FAXDC2: variants seen among roughly 807,000 people sequenced by gnomAD.
The protein encoded by FAXDC2 is fatty acid hydroxylase domain-containing protein 2.
A neutral mutation model predicts 40.9 loss-of-function variants in FAXDC2; 41 were observed. That is an observed-to-expected ratio of 1.00 (90% CI 0.78 to 1.30). The LOEUF is 1.30. Ranked by LOEUF, FAXDC2 falls within the 50% of genes most tolerant of loss-of-function variation. The pLI, the probability that FAXDC2 is intolerant of heterozygous loss-of-function variation, is 0.00. For missense variants in FAXDC2, 390 were observed against 408.8 expected, an observed-to-expected ratio of 0.95 and a Z score of 0.40; for synonymous variants, 157 against 149.3, an observed-to-expected ratio of 1.05 and a Z score of -0.38.
At position 154,821,285 on chromosome 5, in the gene FAXDC2, C is replaced by A; in HGVS notation, c.820G>T (p.Glu274Ter). 1 of 1,611,822 alleles carries A rather than the reference C, an allele frequency of 6.2e-7. No homozygotes were observed. Among genetic ancestry groups the A allele is most frequent in the South Asian group, 1.1e-5 (1 of 90,898 alleles). ...TTGAGATGGTGGTAGTCGTGGAATT[C>A]AGGCGAAGGCAGGAAGGGAAGGTGG... is the stretch of plus-strand genomic sequence containing the variant. Reference protein sequence around the residue: ...GYHLPFLPSPEFHDYHHLKFN... With the variant: ...GYHLPFLPSP The change falls in exon 8 of 9, where the codon GAA (glutamate) becomes TAA (stop). Residue 274 changes from glutamate to a stop codon, truncating the protein, a stop_gained. Transcript: ENST00000326080. LOFTEE classifies it high-confidence loss of function.
In FAXDC2 at chr5:154,820,250, G is replaced by A. The variant is rs369665548; in HGVS notation, c.*66C>T. 1 of 1,354,856 alleles carries A rather than the reference G, an allele frequency of 7.4e-7. No homozygotes were observed. Among genetic ancestry groups the A allele is most frequent in the Admixed American group, 2.2e-5 (1 of 46,054 alleles). The allele number at this position is 1,354,856 out of a possible 1,614,324, so 83.9% of individuals were successfully genotyped here. A position where few individuals can be genotyped will look rare whatever the true frequency, so the allele number is the denominator to read the frequency against. ...GGCCGAAGGAGGCAAATTGTTAGGT[G>A]CAATCAGGAAGCCGTGTCTGCATCC... On this transcript the variant is annotated 3_prime_UTR_variant, in exon 9 of 9. Coordinates refer to ENST00000326080, the MANE Select transcript of FAXDC2 (RefSeq NM_032385.5).
chr5:154,847,487 C>CTTTTTTTTTTT (rs557543082), intron 1 of FAXDC2, among the ~76,000 whole-genome samples: 1 of 132,316 alleles, frequency 7.6e-6, no homozygotes, highest in Non-Finnish European at 1.6e-5. Context: ...TTCTTTCTTT[C>CTTTTTTTTTTT]TTTTTTTTTT....
intron 2 of FAXDC2, among the ~76,000 whole-genome samples, chr5:154,835,883 C>CTTTTTTTTTTTTTTT (rs869068025): frequency 2.1e-5 from 1 of 47,842 alleles, no homozygotes; most frequent in Non-Finnish European, 4.0e-5. Context: ...GCCCGGCCGA[C>CTTTTTTTTTTTTTTT]TTTTTTTTTT....
chr5:154,821,140 G>T, intron 8 of FAXDC2, 120 bp downstream of exon 8: 1 of 862,116 alleles, frequency 1.2e-6, no homozygotes, highest in South Asian at 1.5e-5. Context: ...CCAGCCATCA[G>T]ACCTCTTCCC....
intron 1 of FAXDC2, among the ~76,000 whole-genome samples, chr5:154,847,637 A>G (rs1582544160): frequency 1.4e-5 from 2 of 144,120 alleles, no homozygotes; most frequent in Admixed American, 7.0e-5. Context: ...ACAGGCACCC[A>G]CCCCCACCAT....
intron 6 of FAXDC2, among the ~76,000 whole-genome samples, chr5:154,823,032 G>T (rs1296298813): frequency 6.6e-6 from 1 of 151,908 alleles, no homozygotes; most frequent in Non-Finnish European, 1.5e-5. Context: ...TTTTCTTTGA[G>T]ACAAGGTCTT....
rs1047336824 is a variant in FAXDC2 at position 154,834,873 on chromosome 5, G to A, written c.110C>T (p.Ser37Leu). The change falls in exon 3 of 9, where the codon TCA (serine) becomes TTA (leucine). Residue 37 changes from serine to leucine, a missense_variant. Ser to Leu is a moderately radical substitution (Grantham distance 145). Coordinates refer to ENST00000326080, the MANE Select transcript of FAXDC2 (RefSeq NM_032385.5). ...CACTGAGTTCCAGAAGGCCACAAAT[G>A]AGAGAAGTCCAGAGCCCAGGATGAA... ...TAFILGSGLL[S>L]FVAFWNSVTW... 2 of 1,610,966 alleles carry A rather than the reference G, an allele frequency of 1.2e-6. No individual in the cohort carries two copies. The highest frequency in any genetic ancestry group is 1.3e-5 in the African/African-American group (1 of 74,976).
intron 5 of FAXDC2, chr5:154,823,995 A>G (rs937776350): frequency 3.7e-5 from 9 of 240,246 alleles, no homozygotes; most frequent in Admixed American, 5.0e-5. Context: ...GCCCCTCTTC[A>G]TCAGAGAACC....
intron 8 of FAXDC2, 61 bp downstream of exon 8, chr5:154,821,199 G>T: frequency 7.2e-7 from 1 of 1,385,050 alleles, no homozygotes; most frequent in Non-Finnish European, 1.0e-6. Flanking sequence ...GCTATCAGAA[G>T]CTTAAGGAGG....
intron 1 of FAXDC2, among the ~76,000 whole-genome samples, chr5:154,847,649 C>T (rs1161053422): frequency 6.7e-6 from 1 of 150,290 alleles, no homozygotes; most frequent in Non-Finnish European, 1.5e-5. Flanking sequence ...CCCCACCATG[C>T]CTGGCTAATT....
chr5:154,827,173 C>T (rs1284670666), intron 5 of FAXDC2, among the ~76,000 whole-genome samples: 2 of 151,992 alleles, frequency 1.3e-5, no homozygotes, highest in African/African-American at 4.8e-5. Context: ...GGCGTGATGG[C>T]ACACGCCTGT....
intron 8 of FAXDC2, chr5:154,820,729 A>G (rs1017637243): frequency 5.3e-6 from 2 of 374,898 alleles, no homozygotes; most frequent in Admixed American, 4.7e-5. Flanking sequence ...CAGTCTGAGA[A>G]TCTCTAGCAG....
intron 4 of FAXDC2, among the ~76,000 whole-genome samples, chr5:154,833,342 TA>T (rs1464166258): frequency 6.7e-6 from 1 of 149,250 alleles, no homozygotes; most frequent in African/African-American, 2.5e-5. Context: ...TGGCCTATCT[TA>T]ATTTTTGTTT....
intron 1 of FAXDC2, among the ~76,000 whole-genome samples, chr5:154,839,382 C>G (rs1760428790): frequency 1.3e-5 from 2 of 150,898 alleles, no homozygotes; most frequent in African/African-American, 4.9e-5. Context: ...GTTGCCCACA[C>G]CTGTAGTCCC....
chr5:154,839,269 T>C (rs942679816), intron 1 of FAXDC2, among the ~76,000 whole-genome samples: 1 of 146,856 alleles, frequency 6.8e-6, no homozygotes, highest in East Asian at 2.0e-4. Context: ...GAGGTTGCAC[T>C]GAGCCAAGAT....
intron 5 of FAXDC2, among the ~76,000 whole-genome samples, chr5:154,828,341 T>A (rs1760096537): frequency 1.3e-5 from 2 of 151,916 alleles, no homozygotes; most frequent in Non-Finnish European, 2.9e-5. Flanking sequence ...TGGAAAAAAT[T>A]TACCACGTTT....
intron 1 of FAXDC2, among the ~76,000 whole-genome samples, chr5:154,841,059 C>G (rs1760465718): frequency 6.6e-6 from 1 of 152,126 alleles, no homozygotes; most frequent in African/African-American, 2.4e-5. Flanking sequence ...CATCTGATAT[C>G]CTGCCAGGGA....
chr5:154,834,121 C>T (rs1273486801), intron 4 of FAXDC2, among the ~76,000 whole-genome samples: 4 of 150,274 alleles, frequency 2.7e-5, no homozygotes, highest in African/African-American at 4.9e-5. Flanking sequence ...AATGTATGAT[C>T]GAGGACATTC....
intron 2 of FAXDC2, among the ~76,000 whole-genome samples, chr5:154,837,086 A>G (rs907586279): frequency 1.5e-4 from 23 of 152,020 alleles, no homozygotes; most frequent in African/African-American, 5.3e-4. Flanking sequence ...GCATTATCCT[A>G]TCCCACTTCT....
Sources: allele counts gnomAD v4.1 joint callset (sites outside exome capture counted in the v4.1 genomes callset), GRCh38; gene constraint gnomAD v4.1.1; transcripts MANE v1.5; gene names NCBI Gene and HGNC (gene_info 2026-07-23, HGNC 2026-07-21).